Variants in VPS13B observed in about 807,000 individuals in gnomAD.
The protein encoded by VPS13B is vacuolar protein sorting 13 homolog B, also known as intermembrane lipid transfer protein VPS13B.
VPS13B carries 285 observed loss-of-function variants against 426.4 expected under a neutral mutation model. The observed-to-expected ratio is 0.67, with a 90% CI of 0.61 to 0.74. The LOEUF (loss-of-function observed/expected upper bound fraction) is 0.74, where lower values mean the gene tolerates loss of function less well. Ranked by LOEUF, VPS13B falls within the 30% of genes least tolerant of loss-of-function variation. The pLI, the probability that VPS13B is intolerant of heterozygous loss-of-function variation, is 0.00. For missense variants in VPS13B, 4,537 were observed against 4,782.6 expected (o/e 0.95, Z 1.51); for synonymous variants, 1,676 against 1,676.4 (o/e 1.00, Z 0.01).
chr8:99,825,025 C>T (rs975852258), intron 51 of VPS13B, among the ~76,000 whole-genome samples: 1 of 152,126 alleles, frequency 6.6e-6, no homozygotes, highest in Non-Finnish European at 1.5e-5. Context: ...GTAAATAGTG[C>T]TGCAATAAAC....
chr8:99,821,766 C>T (rs1814383040), intron 50 of VPS13B, among the ~76,000 whole-genome samples: 1 of 152,142 alleles, frequency 6.6e-6, no homozygotes. Context: ...AATGAACTTA[C>T]TCCAAAATAT....
intron 30 of VPS13B, among the ~76,000 whole-genome samples, chr8:99,540,032 TATATATATATATATATATATATATATA>T (rs1563784861): frequency 1.5e-3 from 3 of 1,954 alleles, no homozygotes; most frequent in Non-Finnish European, 3.1e-3. Context: ...TATATATATA[TATATATATATATATATATATATATATA>T]TATATTTTTT....
intron 3 of VPS13B, among the ~76,000 whole-genome samples, chr8:99,079,156 G>A (rs1807658600): frequency 6.6e-6 from 1 of 152,120 alleles, no homozygotes; most frequent in African/African-American, 2.4e-5. Context: ...GGTTGGATGG[G>A]TTGATCCCCA....
chr8:99,235,173 C>G (rs1485185778), intron 17 of VPS13B, among the ~76,000 whole-genome samples: 1 of 152,074 alleles, frequency 6.6e-6, no homozygotes, highest in East Asian at 1.9e-4. Context: ...AGTCTTGCTC[C>G]CACATCTATT....
chr8:99,727,955 T>A (rs528647133), intron 39 of VPS13B, among the ~76,000 whole-genome samples: 2 of 152,338 alleles, frequency 1.3e-5, no homozygotes, highest in African/African-American at 4.8e-5. Flanking sequence ...TCTCTATGTC[T>A]AACATTCAAA....
chr8:99,282,336 A>G (rs1252604370), intron 19 of VPS13B, among the ~76,000 whole-genome samples: 1 of 152,224 alleles, frequency 6.6e-6, no homozygotes, highest in Non-Finnish European at 1.5e-5. Flanking sequence ...CCAAAATTTA[A>G]CACAGTCTTC....
chr8:99,153,811 C>T (rs1811205222), intron 14 of VPS13B, among the ~76,000 whole-genome samples: 1 of 151,060 alleles, frequency 6.6e-6, no homozygotes, highest in Non-Finnish European at 1.5e-5. Context: ...ATGTGAAATT[C>T]TGACCTTTAT....
chr8:99,556,516 A>C lies in VPS13B; in HGVS notation c.4812A>C (p.Ile1604=), dbSNP rs1824574633. ...GSEIEDRQYQ[I]DLQSINIGTA... is the part of the protein sequence containing the mutation. ...AAATCGAAGACAGACAATACCAAATAGATCTGCAGTCCATCAATATTGGTA... is the reference window on the plus strand; with the variant it reads ...AAATCGAAGACAGACAATACCAAATCGATCTGCAGTCCATCAATATTGGTA... Residue 1604 remains isoleucine (I), a synonymous_variant, in exon 31 of 62, where the codon ATA becomes ATC. Transcript: ENST00000357162. The C allele has an allele frequency of 6.2e-7, 1 of 1,613,308 alleles. No individual in the cohort carries two copies. The highest frequency in any genetic ancestry group is 1.7e-5 in the Admixed American group (1 of 59,880).
At chr8:99,278,772 A>G (rs1303629857) in intron 19 of VPS13B, among the ~76,000 whole-genome samples, 1 of 152,226 alleles carries the variant, frequency 6.6e-6, no homozygotes, top group African/African-American at 2.4e-5. Flanking sequence ...CCACACTGTC[A>G]TGATCTTACA....
At chr8:99,475,482 AT>A (rs1353433875) in intron 24 of VPS13B, among the ~76,000 whole-genome samples, 3 of 152,248 alleles carry the variant, frequency 2.0e-5, no homozygotes, top group African/African-American at 7.2e-5. Context: ...CACAAAAAAT[AT>A]TCTTAGACTC....
intron 55 of VPS13B, among the ~76,000 whole-genome samples, chr8:99,849,641 G>GT (rs1816157793): frequency 6.6e-6 from 1 of 152,134 alleles, no homozygotes; most frequent in Non-Finnish European, 1.5e-5. Flanking sequence ...GAGTTTCAGA[G>GT]TTAAGGAAAT....
At chr8:99,033,398 T>C (rs1842608105) in intron 2 of VPS13B, among the ~76,000 whole-genome samples, 3 of 152,234 alleles carry the variant, frequency 2.0e-5, no homozygotes, top group African/African-American at 7.2e-5. Context: ...TGTCCCTGGC[T>C]TTCTGCAGTT....
At chr8:99,115,935 T>A (rs1847634197) in intron 7 of VPS13B, 61 bp downstream of exon 7, 1 of 1,542,078 alleles carries the variant, frequency 6.5e-7, no homozygotes, top group Non-Finnish European at 8.9e-7. Flanking sequence ...GTTTTACCAT[T>A]GGGAAACTTT....
At chr8:99,453,704 T>G (rs1818312133) in intron 23 of VPS13B, among the ~76,000 whole-genome samples, 1 of 152,200 alleles carries the variant, frequency 6.6e-6, no homozygotes. Flanking sequence ...TGCTGTCATA[T>G]TTTTCCTGAT....
intron 3 of VPS13B, among the ~76,000 whole-genome samples, chr8:99,071,005 T>C (rs1844824684): frequency 6.6e-6 from 1 of 152,152 alleles, no homozygotes; most frequent in African/African-American, 2.4e-5. Flanking sequence ...CTCTGTTATC[T>C]TGAAGTTCGT....
intron 33 of VPS13B, among the ~76,000 whole-genome samples, chr8:99,608,640 T>C (rs192730002): frequency 1.3e-5 from 2 of 152,254 alleles, no homozygotes; most frequent in Admixed American, 1.3e-4. Context: ...AGAAACCTCA[T>C]AACTACCCCC....
At chr8:99,660,367 A>G (rs2129752182) in intron 34 of VPS13B, among the ~76,000 whole-genome samples, 1 of 152,316 alleles carries the variant, frequency 6.6e-6, no homozygotes, top group East Asian at 1.9e-4. Flanking sequence ...CTTGAAAGCA[A>G]TCCAATCAAT....
At chr8:99,734,456 G>A (rs1833736829) in intron 39 of VPS13B, among the ~76,000 whole-genome samples, 1 of 152,160 alleles carries the variant, frequency 6.6e-6, no homozygotes, top group South Asian at 2.1e-4. Flanking sequence ...CAAATAGATT[G>A]GCAATAATTA....
At chr8:99,447,934 T>G (rs1278979139) in intron 23 of VPS13B, among the ~76,000 whole-genome samples, 2 of 151,712 alleles carry the variant, frequency 1.3e-5, no homozygotes, top group Admixed American at 1.3e-4. Flanking sequence ...CTTTATACCT[T>G]CAATACTCAT....
Sources: gnomAD v4.1 joint callset for allele counts (sites outside exome capture counted in the v4.1 genomes callset) on GRCh38, gnomAD v4.1.1 for gene constraint, MANE v1.5 for transcripts, NCBI Gene and HGNC (gene_info 2026-07-23, HGNC 2026-07-21) for gene names.